Variants in C7orf33 observed in about 807,000 individuals in gnomAD.
C7orf33 encodes the protein chromosome 7 open reading frame 33.
Under a neutral mutation model 13.4 loss-of-function variants are expected in C7orf33, and 15 were observed. That is an observed-to-expected ratio of 1.12 (90% CI 0.75 to 1.72). C7orf33 has a LOEUF of 1.72. C7orf33 is among the 40% of genes most tolerant of loss of function. The pLI is 0.00. For missense variants in C7orf33, 187 were observed against 220.3 expected, an observed-to-expected ratio of 0.85 and a Z score of 0.96; for synonymous variants, 73 against 83.2, an observed-to-expected ratio of 0.88 and a Z score of 0.67.
Position 148,615,608 on chromosome 7 carries a change from CT to C in C7orf33, c.*208del. 1 of 473,532 alleles carries C rather than the reference CT, an allele frequency of 2.1e-6. No individual in the cohort carries two copies. Among genetic ancestry groups the C allele is most frequent in the South Asian group, 2.1e-5 (1 of 47,340 alleles). 29.3% of individuals were successfully genotyped at this position (473,532 alleles called of 1,614,324 possible). On this transcript the variant is annotated 3_prime_UTR_variant, in exon 3 of 3. Transcript: ENST00000307003. The stretch of plus-strand genomic sequence containing the variant: ...AAGTTCCACGTGTACCTGCAGGAAT[CT>C]GTGTGGCATTTGTGCACTGGTGTGG...
At chr7:148,598,785 G>A (rs1233459535) in intron 1 of C7orf33, among the ~76,000 whole-genome samples, 2 of 135,822 alleles carry the variant, frequency 1.5e-5, no homozygotes, top group South Asian at 4.7e-4. Flanking sequence ...GAGAGAGAGA[G>A]AGAGAGAGAG....
chr7:148,609,393 C>T (rs1796511279), intron 1 of C7orf33, among the ~76,000 whole-genome samples: 1 of 152,176 alleles, frequency 6.6e-6, no homozygotes. Flanking sequence ...CTTTCACATA[C>T]AGAGTAACAG....
chr7:148,601,229 G>A (rs905953922), intron 1 of C7orf33, among the ~76,000 whole-genome samples: 27 of 151,826 alleles, frequency 1.8e-4, no homozygotes, highest in African/African-American at 5.6e-4. Context: ...TTTAAAAGAC[G>A]GTGTTTTCAT....
chr7:148,591,117 G>A lies in C7orf33; in HGVS notation c.192G>A (p.Thr64=), dbSNP rs376935596. ...GTCAATTTAACTTGTCATATGCCAC[G>A]GGAAGACATAAGGTAAGTTAATGAT... ...GPGQFNLSYA[T]GRHKKPNPHQ... is the part of the protein sequence containing the mutation. Residue 64 remains threonine (T), a synonymous_variant, in exon 1 of 3, where the codon ACG becomes ACA. Transcript: ENST00000307003. 4.0e-5 allele frequency: 64 copies of A among 1,613,156 alleles called. No individual in the cohort carries two copies. The highest frequency in any genetic ancestry group is 1.9e-4 in the South Asian group (17 of 90,930).
intron 1 of C7orf33, among the ~76,000 whole-genome samples, chr7:148,602,463 G>A (rs1208281071): frequency 6.6e-6 from 1 of 151,980 alleles, no homozygotes; most frequent in Non-Finnish European, 1.5e-5. Context: ...CAGGCGTGGT[G>A]GTGCATCTCT....
At chr7:148,609,550 T>C (rs998171970) in intron 1 of C7orf33, among the ~76,000 whole-genome samples, 3 of 152,192 alleles carry the variant, frequency 2.0e-5, no homozygotes, top group African/African-American at 7.2e-5. Context: ...TATACTGACA[T>C]CTTCATCTTG....
Position 148,614,285 on chromosome 7 carries a change from T to A in C7orf33, c.448T>A (p.Ser150Thr). ...CAAGCCTGGGAGGACAGTGACAAGTTCATACCTAAACGTAAGCTCCGAAGT... is the reference window on the plus strand; with the variant it reads ...CAAGCCTGGGAGGACAGTGACAAGTACATACCTAAACGTAAGCTCCGAAGT... The part of the protein sequence containing the change: ...SYKPGRTVTS[S>T]YLNVRGHEVR... The change falls in exon 2 of 3, where the codon TCA becomes ACA. Residue 150 changes from serine to threonine, a missense_variant. Physicochemically the swap from Ser to Thr is moderately conservative, Grantham distance 58. Coordinates refer to ENST00000307003, the MANE Select transcript of C7orf33 (RefSeq NM_145304.4). 6.2e-7 allele frequency: 1 copy of A among 1,614,086 alleles called. No individual in the cohort carries two copies. The highest frequency in any genetic ancestry group is 8.5e-7 in the Non-Finnish European group (1 of 1,179,946).
intron 1 of C7orf33, among the ~76,000 whole-genome samples, chr7:148,606,933 T>TACACACACACACACACACACAC (rs112000703): frequency 1.4e-4 from 19 of 139,292 alleles, no homozygotes; most frequent in Non-Finnish European, 2.4e-4. Context: ...AAAAAAAAAA[T>TACACACACACACACACACACAC]ACACACACAC....
In C7orf33 at chr7:148,598,667, TAC is replaced by T. The variant is rs570081901; in HGVS notation, c.204+7552_204+7553del. On this transcript the variant is annotated intron_variant, in intron 1 of 2. Coordinates refer to ENST00000307003, the MANE Select transcript of C7orf33 (RefSeq NM_145304.4). ...CTCCCTCTCTCTCTCTATATATATA[TAC>T]ACACACACACACATACCTATATATA... Among the ~76,000 whole-genome samples the T allele has an allele frequency of 3.0e-3, 417 of 137,268 alleles. 6 individuals carry two copies. The Middle Eastern group carries it at 0.034, about 11-fold the overall frequency. 90.1% of individuals were successfully genotyped at this position (137,268 alleles called of 152,430 possible).
intron 1 of C7orf33, among the ~76,000 whole-genome samples, chr7:148,613,531 G>A (rs1217647312): frequency 6.6e-6 from 1 of 152,238 alleles, no homozygotes; most frequent in Non-Finnish European, 1.5e-5. Flanking sequence ...GTCGGACCTT[G>A]AAAACATCAC....
intron 1 of C7orf33, among the ~76,000 whole-genome samples, chr7:148,612,213 T>TTA (rs1554449688): frequency 0.026 from 4,005 of 152,302 alleles, 186 homozygotes; most frequent in African/African-American, 0.09. Flanking sequence ...ATTTTTTTTT[T>TTA]AATTTCCATT....
At position 148,615,518 on chromosome 7, in the gene C7orf33, G is replaced by C. The variant is rs1206331049; in HGVS notation, c.*117G>C. 3.0e-6 allele frequency: 2 copies of C among 663,870 alleles called. No homozygotes were observed. Among genetic ancestry groups the C allele is most frequent in the Non-Finnish European group, 5.3e-6 (2 of 375,528 alleles). 41.1% of individuals were successfully genotyped at this position (663,870 alleles called of 1,614,324 possible). A position where few individuals can be genotyped will look rare whatever the true frequency, so the allele number is the denominator to read the frequency against. On this transcript the variant is annotated 3_prime_UTR_variant, in exon 3 of 3. Coordinates refer to ENST00000307003, the MANE Select transcript of C7orf33 (RefSeq NM_145304.4). Reference sequence around the variant, plus strand: ...GGAAATAACAGTTGATGAAAACTTGGTAATCTGAAGTCTGAACTTTGAACA... The same window carrying C: ...GGAAATAACAGTTGATGAAAACTTGCTAATCTGAAGTCTGAACTTTGAACA...
intron 1 of C7orf33, among the ~76,000 whole-genome samples, chr7:148,606,435 C>A (rs1796473519): frequency 6.6e-6 from 1 of 152,098 alleles, no homozygotes. Flanking sequence ...TACTTTTTAA[C>A]AAGCATCCCA....
At chr7:148,604,423 G>A (rs924096651) in intron 1 of C7orf33, among the ~76,000 whole-genome samples, 1 of 152,130 alleles carries the variant, frequency 6.6e-6, no homozygotes, top group Non-Finnish European at 1.5e-5. Flanking sequence ...CACCACACCC[G>A]GCCTAGGGAT....
intron 1 of C7orf33, among the ~76,000 whole-genome samples, chr7:148,593,217 G>A (rs559771404): frequency 7.2e-5 from 11 of 152,144 alleles, no homozygotes; most frequent in Non-Finnish European, 1.3e-4. Flanking sequence ...GGCACTATGA[G>A]TTACGTATTA....
chr7:148,596,369 T>A (rs10233151), intron 1 of C7orf33, among the ~76,000 whole-genome samples: 49,626 of 152,092 alleles, frequency 0.33, 11,071 homozygotes, highest in African/African-American at 0.63. Context: ...TCATGCATCT[T>A]CTGTTACAGT....
intron 1 of C7orf33, among the ~76,000 whole-genome samples, chr7:148,602,922 A>G (rs926011350): frequency 2.6e-5 from 4 of 152,224 alleles, no homozygotes; most frequent in Non-Finnish European, 5.9e-5. Flanking sequence ...TCCTTTCCAG[A>G]TTCCTACAGG....
At chr7:148,603,222 G>T (rs991662404) in intron 1 of C7orf33, among the ~76,000 whole-genome samples, 4 of 152,108 alleles carry the variant, frequency 2.6e-5, no homozygotes, top group African/African-American at 9.7e-5. Context: ...CAGAATGAAA[G>T]GGTCTTGCTC....
intron 1 of C7orf33, among the ~76,000 whole-genome samples, chr7:148,597,796 C>T (rs1267692560): frequency 6.6e-6 from 1 of 151,874 alleles, no homozygotes; most frequent in Non-Finnish European, 1.5e-5. Flanking sequence ...CGCACTGTCG[C>T]CCAGGCTGGA....
Sources: allele counts gnomAD v4.1 joint callset (sites outside exome capture counted in the v4.1 genomes callset), GRCh38; gene constraint gnomAD v4.1.1; transcripts MANE v1.5; gene names NCBI Gene and HGNC (gene_info 2026-07-23, HGNC 2026-07-21).